The following MICU1 variants were observed in gnomAD, a reference collection of about 807,000 sequenced individuals.
MICU1 encodes the protein calcium uptake protein 1, mitochondrial.
In MICU1, 45 loss-of-function variants were observed where a neutral mutation model predicts 56.8. The observed-to-expected ratio is 0.79, with a 90% CI of 0.62 to 1.02. The LOEUF (loss-of-function observed/expected upper bound fraction) is 1.02, where lower values mean the gene tolerates loss of function less well. MICU1 is among the 50% of genes least tolerant of loss of function. The probability of loss-of-function intolerance (pLI) is 0.00; values close to 1 mark genes in which losing one functional copy is unlikely to be tolerated. For missense variants in MICU1, 504 were observed against 587.1 expected (o/e 0.86, Z 1.46); for synonymous variants, 186 against 195.1 (o/e 0.95, Z 0.39).
At chr10:72,443,977 GTCCA>G (rs1451519353) in intron 8 of MICU1, among the ~76,000 whole-genome samples, 1 of 151,980 alleles carries the variant, frequency 6.6e-6, no homozygotes, top group Non-Finnish European at 1.5e-5. Flanking sequence ...CAACCCAAAT[GTCCA>G]ACAAGGATAG....
intron 5 of MICU1, among the ~76,000 whole-genome samples, chr10:72,510,650 T>C: frequency 9.2e-6 from 1 of 109,110 alleles, no homozygotes. Flanking sequence ...AGTCCTTTTT[T>C]ATTTTTTTTT....
chr10:72,368,435 A>C, intron 11 of MICU1, 80 bp from the exon 12 acceptor site: 1 of 1,492,484 alleles, frequency 6.7e-7, no homozygotes, highest in African/African-American at 1.4e-5. Flanking sequence ...TGTCCACACA[A>C]AGTGGATTTC....
At chr10:72,535,554 A>G (rs1048570479) in intron 4 of MICU1, among the ~76,000 whole-genome samples, 1 of 152,216 alleles carries the variant, frequency 6.6e-6, no homozygotes, top group Admixed American at 6.5e-5. Context: ...AACTATAGAG[A>G]GACAGACTAA....
chr10:72,392,388 A>G (rs1280112832), intron 10 of MICU1, among the ~76,000 whole-genome samples: 1 of 152,058 alleles, frequency 6.6e-6, no homozygotes, highest in African/African-American at 2.4e-5. Context: ...TGGCCAATAT[A>G]GTGAAACCCC....
chr10:72,613,262 A>G (rs930881756), intron 1 of MICU1, among the ~76,000 whole-genome samples: 1 of 139,398 alleles, frequency 7.2e-6, no homozygotes, highest in Non-Finnish European at 1.5e-5. Context: ...GAAACACTTT[A>G]CCCCTAATTT....
intron 8 of MICU1, among the ~76,000 whole-genome samples, chr10:72,435,402 A>G: frequency 6.6e-6 from 1 of 151,270 alleles, no homozygotes; most frequent in Non-Finnish European, 1.5e-5. Flanking sequence ...AAAAAAAAAA[A>G]AAAAAAAAAG....
chr10:72,558,201 T>G (rs1386104755), intron 3 of MICU1, among the ~76,000 whole-genome samples: 1 of 152,246 alleles, frequency 6.6e-6, no homozygotes, highest in Non-Finnish European at 1.5e-5. Flanking sequence ...ACAGTGGGAT[T>G]TCAATAAACT....
chr10:72,517,516 T>C (rs1050368225), intron 5 of MICU1, among the ~76,000 whole-genome samples: 2 of 152,118 alleles, frequency 1.3e-5, no homozygotes. Flanking sequence ...ACGAAGTAAC[T>C]CAAGAATGGA....
intron 8 of MICU1, among the ~76,000 whole-genome samples, chr10:72,461,717 A>G (rs777256780): frequency 2.0e-5 from 3 of 152,224 alleles, no homozygotes; most frequent in Non-Finnish European, 4.4e-5. Flanking sequence ...TGGGAGGCCA[A>G]GGCAGGATGA....
chr10:72,438,535 A>C (rs1332796303), intron 8 of MICU1, among the ~76,000 whole-genome samples: 5 of 152,230 alleles, frequency 3.3e-5, no homozygotes, highest in Admixed American at 6.5e-5. Flanking sequence ...AGAAGGCAAG[A>C]AATAACTAAG....
chr10:72,459,485 GT>G (rs955522634), intron 8 of MICU1, among the ~76,000 whole-genome samples: 2 of 152,082 alleles, frequency 1.3e-5, no homozygotes, highest in African/African-American at 2.4e-5. Context: ...GCAGTTTCCT[GT>G]TTTTTTACCC....
intron 9 of MICU1, among the ~76,000 whole-genome samples, chr10:72,419,112 T>C (rs1405127135): frequency 6.6e-6 from 1 of 152,214 alleles, no homozygotes; most frequent in Non-Finnish European, 1.5e-5. Context: ...CTTTTAAGTG[T>C]AAACTCACAA....
intron 1 of MICU1, among the ~76,000 whole-genome samples, chr10:72,613,431 C>T (rs1331427886): frequency 2.0e-5 from 3 of 151,714 alleles, no homozygotes; most frequent in African/African-American, 4.8e-5. Flanking sequence ...TGTGCCACCA[C>T]GCCTGGCTGA....
At chr10:72,615,481 T>G (rs78128475) in intron 1 of MICU1, among the ~76,000 whole-genome samples, 6,386 of 152,192 alleles carry the variant, frequency 0.042, 450 homozygotes, top group African/African-American at 0.14. Flanking sequence ...GGAAGTTACA[T>G]CTAAAGGTTA....
chr10:72,503,237 T>A (rs560323074), intron 6 of MICU1, among the ~76,000 whole-genome samples: 1 of 152,018 alleles, frequency 6.6e-6, no homozygotes, highest in Non-Finnish European at 1.5e-5. Context: ...TGAAGAAACA[T>A]ATAAAGGCAC....
At chr10:72,427,243 G>A (rs1270802640) in intron 8 of MICU1, among the ~76,000 whole-genome samples, 1 of 152,176 alleles carries the variant, frequency 6.6e-6, no homozygotes, top group Non-Finnish European at 1.5e-5. Flanking sequence ...AGGCAAGGAG[G>A]AGCCAAAAAA....
At chr10:72,412,154 TA>T (rs752494013) in intron 9 of MICU1, among the ~76,000 whole-genome samples, 1 of 152,140 alleles carries the variant, frequency 6.6e-6, no homozygotes, top group African/African-American at 2.4e-5. Context: ...ACTACTATGG[TA>T]AAAATCCAGA....
At chr10:72,585,985 ATTGTT>A (rs991715876) in intron 1 of MICU1, among the ~76,000 whole-genome samples, 1 of 71,946 alleles carries the variant, frequency 1.4e-5, no homozygotes, top group African/African-American at 5.0e-5. Flanking sequence ...TTTTCATTGT[ATTGTT>A]TTTATTTTTT....
chr10:72,565,920 C>T (rs147702820), intron 2 of MICU1, among the ~76,000 whole-genome samples: 2 of 152,064 alleles, frequency 1.3e-5, no homozygotes, highest in African/African-American at 4.8e-5. Flanking sequence ...ATTTTCTCTT[C>T]TTTCCAAGGA....
Sources: allele counts gnomAD v4.1 joint callset (sites outside exome capture counted in the v4.1 genomes callset), GRCh38; gene constraint gnomAD v4.1.1; transcripts MANE v1.5; gene names NCBI Gene and HGNC (gene_info 2026-07-23, HGNC 2026-07-21).